The following PDE2A variants were observed in gnomAD, a reference collection of about 807,000 sequenced individuals.
PDE2A encodes phosphodiesterase 2A.
Under a neutral mutation model 133.6 loss-of-function variants are expected in PDE2A, and 53 were observed. The ratio of observed to expected loss-of-function variants is 0.40; its 90% CI spans 0.32 to 0.50. PDE2A has a LOEUF of 0.50. Ranked by LOEUF, PDE2A falls within the 20% of genes least tolerant of loss-of-function variation. The pLI is 0.73. For missense variants in PDE2A, 796 were observed against 1,232.4 expected (o/e 0.65, Z 5.30); for synonymous variants, 491 against 490.2 (o/e 1.00, Z -0.02).
rs1317130514 is a variant in PDE2A, at chr11:72,674,188, T to C, written c.20A>G (p.His7Arg). The change falls in exon 1 of 31, where the codon CAC becomes CGC. Residue 7 changes from histidine (H) to arginine (R), a missense_variant. His to Arg is a conservative substitution (Grantham distance 29). Coordinates refer to ENST00000334456, the MANE Select transcript of PDE2A (RefSeq NM_002599.5). MGQACG[H>R]SILCRSQQYP... ...CTGCTGGCTCCTGCAGAGGATGGAG[T>C]GGCCGCATGCCTGCCCCATCACTCC... The C allele has an allele frequency of 1.2e-6, 2 of 1,611,236 alleles. No homozygotes were observed. Among genetic ancestry groups the C allele is most frequent in the African/African-American group, 1.3e-5 (1 of 74,920 alleles).
At chr11:72,662,367 C>T (rs948123272) in intron 1 of PDE2A, among the ~76,000 whole-genome samples, 5 of 152,236 alleles carry the variant, frequency 3.3e-5, no homozygotes, top group African/African-American at 1.2e-4. Context: ...CTCACTGACT[C>T]GCCTCCCAGG....
At chr11:72,588,395 A>G (rs1269764416) in intron 13 of PDE2A, among the ~76,000 whole-genome samples, 1 of 152,112 alleles carries the variant, frequency 6.6e-6, no homozygotes, top group Non-Finnish European at 1.5e-5. Context: ...AAAGATCCAC[A>G]GCTTTTCCCA....
Position 72,578,348 on chromosome 11 carries a change from A to G in PDE2A, c.2509-9T>C. On this transcript the variant is annotated splice_polypyrimidine_tract_variant and intron_variant, in intron 29 of 30. Transcript: ENST00000334456. The surrounding 1 kb of genome is among the most constrained non-coding windows in gnomAD (Gnocchi z 4.2). The stretch of plus-strand genomic sequence containing the variant: ...TTGCCCATGGCCTTCTCCTGCAGGC[A>G]TCGAGTCGTCAGGCCTGTCCCTCTC... 6.2e-7 allele frequency: 1 copy of G among 1,600,106 alleles called. No homozygotes were observed. Among genetic ancestry groups the G allele is most frequent in the African/African-American group, 1.3e-5 (1 of 74,776 alleles).
In PDE2A at chr11:72,631,228, C is replaced by A. The variant is rs952691636; in HGVS notation, c.144+11026G>T. ...TCCTCCCATTAGCCCCCAGCAAGCC[C>A]ACGGATGGCCCCCTCCTCCAGGGAG... On this transcript the variant is annotated intron_variant, in intron 2 of 30. Coordinates refer to ENST00000334456, the MANE Select transcript of PDE2A (RefSeq NM_002599.5). 1.3e-5 allele frequency: 13 copies of A among 1,014,384 alleles called. No individual in the cohort carries two copies. In the African/African-American group the frequency reaches 2.0e-4, roughly 15 times the overall value. The allele number at this position is 1,014,384 out of a possible 1,614,324, so 62.8% of individuals were successfully genotyped here. A position where few individuals can be genotyped will look rare whatever the true frequency, so the allele number is the denominator to read the frequency against.
At chr11:72,606,706 G>C (rs547855985) in intron 3 of PDE2A, among the ~76,000 whole-genome samples, 28 of 152,328 alleles carry the variant, frequency 1.8e-4, no homozygotes, top group African/African-American at 5.8e-4. Context: ...CCAGCAGCCT[G>C]GGAGGGGCCT....
intron 2 of PDE2A, among the ~76,000 whole-genome samples, chr11:72,617,489 CCT>C (rs1435010176): frequency 2.0e-5 from 3 of 152,338 alleles, no homozygotes; most frequent in East Asian, 1.9e-4. Context: ...TGCCTGGCCA[CCT>C]CTCTCTGTCT....
intron 2 of PDE2A, among the ~76,000 whole-genome samples, chr11:72,618,758 T>G (rs1001653910): frequency 6.6e-6 from 1 of 152,152 alleles, no homozygotes; most frequent in Non-Finnish European, 1.5e-5. Flanking sequence ...GCGATGGGCC[T>G]ACGAGCCCAT....
At chr11:72,656,460 G>A (rs576337650) in intron 1 of PDE2A, among the ~76,000 whole-genome samples, 1 of 152,204 alleles carries the variant, frequency 6.6e-6, no homozygotes, top group Admixed American at 6.5e-5. Context: ...CACAGAGTCT[G>A]GGCTGGGTCT....
chr11:72,637,609 GTC>G (rs2135429304), intron 2 of PDE2A, among the ~76,000 whole-genome samples: 1 of 152,364 alleles, frequency 6.6e-6, no homozygotes, highest in South Asian at 2.1e-4. Context: ...ATTAGGGACA[GTC>G]TGCGGGAAGT....
chr11:72,655,289 G>A (rs1235996604), intron 1 of PDE2A, among the ~76,000 whole-genome samples: 1 of 152,114 alleles, frequency 6.6e-6, no homozygotes, highest in Non-Finnish European at 1.5e-5. Flanking sequence ...CCTTTCCACT[G>A]CCTGGAGGCT....
At chr11:72,642,637 A>T (rs2135438795) in intron 1 of PDE2A, among the ~76,000 whole-genome samples, 1 of 150,920 alleles carries the variant, frequency 6.6e-6, no homozygotes, top group South Asian at 2.1e-4. Context: ...CGGCCCTTCC[A>T]GCTGGCCTGC....
At chr11:72,672,220 G>A (rs1473499986) in intron 1 of PDE2A, among the ~76,000 whole-genome samples, 1 of 151,274 alleles carries the variant, frequency 6.6e-6, no homozygotes, top group Admixed American at 6.6e-5. Flanking sequence ...GTCACCCCCA[G>A]GCTAAAGTGC....
intron 1 of PDE2A, 61 bp from the exon 2 acceptor site, chr11:72,642,387 G>A (rs1433951277): frequency 3.1e-6 from 4 of 1,293,180 alleles, no homozygotes; most frequent in South Asian, 2.6e-5. Flanking sequence ...GCTCGCAGCC[G>A]CCCGCCCGCC....
chr11:72,666,898 G>A lies in PDE2A; in HGVS notation c.71+7239C>T, dbSNP rs1245050689. Among the ~76,000 whole-genome samples, 5 of 152,194 alleles carry A rather than the reference G, an allele frequency of 3.3e-5. No individual in the cohort carries two copies. In the South Asian group the frequency reaches 1.0e-3, roughly 32 times the overall value. On this transcript the variant is annotated intron_variant, in intron 1 of 30. Coordinates refer to ENST00000334456, the MANE Select transcript of PDE2A (RefSeq NM_002599.5). ...AGGTGGGTGGATCATTTGAGGTCAG[G>A]AGTTCAAGACCAGCCTGGCCAACAT...
chr11:72,582,120 G>C, intron 21 of PDE2A, 173 bp from the exon 22 acceptor site: 1 of 630,288 alleles, frequency 1.6e-6, no homozygotes, highest in South Asian at 1.9e-5. Context: ...CATTTTTAGA[G>C]ATCTAAGAAC....
At chr11:72,617,462 C>A (rs370711343) in intron 2 of PDE2A, among the ~76,000 whole-genome samples, 3 of 152,212 alleles carry the variant, frequency 2.0e-5, no homozygotes, top group African/African-American at 7.2e-5. Context: ...TCTCAGCCTC[C>A]CTGGGCGCTC....
At chr11:72,585,927 C>T in intron 14 of PDE2A, 143 bp downstream of exon 14, 1 of 657,314 alleles carries the variant, frequency 1.5e-6, no homozygotes, top group Non-Finnish European at 2.8e-6. Flanking sequence ...AACTGCAAGC[C>T]TTCAAGTTAT....
In PDE2A at chr11:72,597,958, C is replaced by T. The variant is rs1014143228; in HGVS notation, c.324-339G>A. On this transcript the variant is annotated intron_variant, in intron 4 of 30. Transcript: ENST00000334456. This position sits in a 1 kb window ranked among gnomAD's most constrained non-coding sequence, Gnocchi z 4.6. ...CTACAATCTGACCTTAGGCACATGA[C>T]CTGACCTCTCTGATCTTCCCAAGGA... is the stretch of plus-strand genomic sequence containing the variant. Among the ~76,000 whole-genome samples, 2 of 152,178 alleles carry T rather than the reference C, an allele frequency of 1.3e-5. No individual in the cohort carries two copies. Among genetic ancestry groups the T allele is most frequent in the Non-Finnish European group, 2.9e-5 (2 of 68,032 alleles).
At chr11:72,581,039 G>A in intron 23 of PDE2A, 66 bp from the exon 24 acceptor site, 1 of 1,128,672 alleles carries the variant, frequency 8.9e-7, no homozygotes, top group Non-Finnish European at 1.3e-6. Context: ...AAATCCCCAA[G>A]AGGACAGACA....
Sources: allele counts gnomAD v4.1 joint callset (sites outside exome capture counted in the v4.1 genomes callset), GRCh38; gene constraint gnomAD v4.1.1; non-coding constraint Gnocchi (gnomAD v3.1); transcripts MANE v1.5; gene names NCBI Gene and HGNC (gene_info 2026-07-23, HGNC 2026-07-21).